CSNK1E: variants seen among roughly 807,000 people sequenced by gnomAD.
CSNK1E encodes the protein casein kinase I isoform epsilon.
A neutral mutation model predicts 46.1 loss-of-function variants in CSNK1E; 17 were observed. The ratio of observed to expected loss-of-function variants is 0.37; its 90% CI spans 0.25 to 0.55. The LOEUF is 0.55. Among genes scored for constraint, CSNK1E ranks in the 20% least tolerant of loss-of-function variants. The pLI is 0.82. For synonymous variants in CSNK1E, 241 were observed against 242.6 expected (o/e 0.99, Z 0.06); for missense variants, 386 against 595.4 (o/e 0.65, Z 3.66).
At position 38,303,076 on chromosome 22, in the gene CSNK1E, C is replaced by G; in HGVS notation, c.187+62G>C. On this transcript the variant is annotated intron_variant, in intron 3 of 10. Coordinates refer to ENST00000396832, the MANE Select transcript of CSNK1E (RefSeq NM_152221.3). The surrounding 1 kb of genome is among the most constrained non-coding windows in gnomAD (Gnocchi z 4.7). ...GGCAGCCAGCCACGCCCGGCCCACC[C>G]TGTGCTCATGGCTGCCCACCGCCAC... The G allele has an allele frequency of 6.2e-7, 1 of 1,600,886 alleles. No individual in the cohort carries two copies. The highest frequency in any genetic ancestry group is 8.5e-7 in the Non-Finnish European group (1 of 1,173,812).
chr22:38,296,147 A>G, intron 7 of CSNK1E: 2 of 991,614 alleles, frequency 2.0e-6, no homozygotes, highest in Non-Finnish European at 2.4e-6. Flanking sequence ...CCGAGGCAAG[A>G]AGTGGGCGAC....
Position 38,309,302 on chromosome 22 carries a change from G to A in CSNK1E, c.76+4780C>T, listed in dbSNP as rs2145847698. On this transcript the variant is annotated intron_variant, in intron 2 of 10. Transcript: ENST00000396832. This position sits in a 1 kb window ranked among gnomAD's most constrained non-coding sequence, Gnocchi z 4.8. ...GACGGTGGCCCTGCCTGGGCAGGGT[G>A]CAGAAACTGATTGACACTTTGGAGG... Among the ~76,000 whole-genome samples the A allele has an allele frequency of 6.6e-6, 1 of 152,308 alleles. No individual in the cohort carries two copies.
rs1011482639 is a variant in CSNK1E at position 38,303,881 on chromosome 22, C to G, written c.77-633G>C. Among the ~76,000 whole-genome samples the G allele has an allele frequency of 7.2e-5, 11 of 152,216 alleles. No individual in the cohort carries two copies. Among genetic ancestry groups the G allele is most frequent in the Admixed American group, 2.6e-4 (4 of 15,288 alleles). The stretch of plus-strand genomic sequence containing the variant: ...TAAATGGCGGCCTTGAGATCAACCC[C>G]GGCTCTGCTGGCCTCCAGCATAGGT... On this transcript the variant is annotated intron_variant, in intron 2 of 10. Transcript: ENST00000396832. The surrounding 1 kb of genome is among the most constrained non-coding windows in gnomAD (Gnocchi z 4.7).
chr22:38,300,599 T>G lies in CSNK1E; in HGVS notation c.565+125A>C. 1 of 882,468 alleles carries G rather than the reference T, an allele frequency of 1.1e-6. No individual in the cohort carries two copies. Among genetic ancestry groups the G allele is most frequent in the Admixed American group, 2.6e-5 (1 of 39,108 alleles). 54.7% of individuals were successfully genotyped at this position (882,468 alleles called of 1,614,324 possible). On this transcript the variant is annotated intron_variant, in intron 5 of 10. Transcript: ENST00000396832. The surrounding 1 kb of genome is among the most constrained non-coding windows in gnomAD (Gnocchi z 4.4). Reference sequence around the variant, plus strand: ...AGCACGAGCTTGGGGGCAGACGGGGTGGGGACTTTCTCACTAGAAAAGAGC... The same window carrying G: ...AGCACGAGCTTGGGGGCAGACGGGGGGGGGACTTTCTCACTAGAAAAGAGC...
At chr22:38,306,905 T>A (rs1482235893) in intron 2 of CSNK1E, among the ~76,000 whole-genome samples, 2 of 152,294 alleles carry the variant, frequency 1.3e-5, no homozygotes, top group Admixed American at 1.3e-4. Flanking sequence ...TTGGGTGCAG[T>A]GATGCACAAC....
At position 38,300,808 on chromosome 22, in the gene CSNK1E, T is replaced by C; in HGVS notation, c.481A>G (p.Thr161Ala). The C allele has an allele frequency of 6.2e-7, 1 of 1,614,146 alleles. No individual in the cohort carries two copies. ...TCCCGGTAGGGAATGTGCTGGTGGG[T>C]GCGGGCGTCCCGGTACTTCTTGGCC... ...GLAKKYRDAR[T>A]HQHIPYRENK... Residue 161 changes from threonine (T) to alanine (A), a missense_variant, in exon 5 of 11, where the codon ACC becomes GCC. Coordinates refer to ENST00000396832, the MANE Select transcript of CSNK1E (RefSeq NM_152221.3). The surrounding 1 kb of genome is among the most constrained non-coding windows in gnomAD (Gnocchi z 4.4).
At chr22:38,296,491 G>C (rs1602542699) in intron 7 of CSNK1E, 12 of 1,573,142 alleles carry the variant, frequency 7.6e-6, no homozygotes, top group African/African-American at 4.1e-5. Flanking sequence ...CCCATTGCAT[G>C]TTTTCCAGGT....
At chr22:38,308,282 T>C (rs2092706873) in intron 2 of CSNK1E, among the ~76,000 whole-genome samples, 1 of 152,162 alleles carries the variant, frequency 6.6e-6, no homozygotes. Context: ...GCAACAGGAA[T>C]GAAAGTACTT....
At position 38,294,306 on chromosome 22, in the gene CSNK1E, C is replaced by T. The variant is rs1038777471; in HGVS notation, c.1078+36G>A. The T allele has an allele frequency of 5.0e-6, 8 of 1,594,222 alleles. No homozygotes were observed. Among genetic ancestry groups the T allele is most frequent in the Admixed American group, 1.7e-5 (1 of 58,590 alleles). On this transcript the variant is annotated intron_variant, in intron 8 of 10. Coordinates refer to ENST00000396832, the MANE Select transcript of CSNK1E (RefSeq NM_152221.3). The surrounding 1 kb of genome is among the most constrained non-coding windows in gnomAD (Gnocchi z 5.5). ...AGGCACAAACAGAGCCCCCCACCCA[C>T]CCTGAACCCAGCCCACTGCCTGAGT...
chr22:38,293,338 G>A lies in CSNK1E; in HGVS notation c.1219-19C>T, dbSNP rs747334057. ...CACTTGTCTTTTGAGGGTGGGGAGG[G>A]AGAGAGGGGGAGGGAGAGAGAGGGA... On this transcript the variant is annotated intron_variant, in intron 9 of 10. Coordinates refer to ENST00000396832, the MANE Select transcript of CSNK1E (RefSeq NM_152221.3). 8.6e-6 allele frequency: 13 copies of A among 1,516,012 alleles called. No individual in the cohort carries two copies. In the South Asian group the frequency reaches 1.1e-4, roughly 13 times the overall value. The allele number at this position is 1,516,012 out of a possible 1,614,324, so 93.9% of individuals were successfully genotyped here. A position where few individuals can be genotyped will look rare whatever the true frequency, so the allele number is the denominator to read the frequency against.
rs533879848 is a variant in CSNK1E, at chr22:38,317,347, TCGCCGCCGCCGC to T, written c.-212_-201del. ...CCGGCCGGGCTCTGGCTCTGGGCTC[TCGCCGCCGCCGC>T]CGCCGCCGCCGCCGCCTCCCTCCTC... On this transcript the variant is annotated 5_prime_UTR_variant, in exon 1 of 11. Coordinates refer to ENST00000396832, the MANE Select transcript of CSNK1E (RefSeq NM_152221.3). 2.3e-4 allele frequency: 28 copies of T among 123,550 alleles called. No individual in the cohort carries two copies. Among genetic ancestry groups the T allele is most frequent in the East Asian group, 1.3e-3 (5 of 3,978 alleles). 7.7% of individuals were successfully genotyped at this position (123,550 alleles called of 1,614,324 possible). A position where few individuals can be genotyped will look rare whatever the true frequency, so the allele number is the denominator to read the frequency against.
intron 2 of CSNK1E, among the ~76,000 whole-genome samples, chr22:38,313,683 G>T (rs920794326): frequency 3.9e-5 from 6 of 152,200 alleles, no homozygotes; most frequent in Non-Finnish European, 8.8e-5. Context: ...GACATAGAGA[G>T]GGGGGCCTGG....
intron 2 of CSNK1E, 95 bp downstream of exon 2, chr22:38,313,987 C>T: frequency 7.8e-6 from 9 of 1,156,146 alleles, no homozygotes; most frequent in Non-Finnish European, 1.2e-5. Flanking sequence ...CCTGGAGCCA[C>T]ATTCTGACTT....
Position 38,298,846 on chromosome 22 carries a change from G to A in CSNK1E, c.825C>T (p.Asn275=), listed in dbSNP as rs1180213203. 27 of 1,614,224 alleles carry A rather than the reference G, an allele frequency of 1.7e-5. No homozygotes were observed. The highest frequency in any genetic ancestry group is 2.3e-5 in the Non-Finnish European group (27 of 1,180,040). The change falls in exon 7 of 11, where the codon AAC becomes AAT. Residue 275 remains asparagine (N), a synonymous_variant. Coordinates refer to ENST00000396832, the MANE Select transcript of CSNK1E (RefSeq NM_152221.3). This position sits in a 1 kb window ranked among gnomAD's most constrained non-coding sequence, Gnocchi z 4.2. ...AGGAGAAGCCCTGCCGGTGGAAGAG[G>A]TTGCGGAAGAGCTGACGTAGGTAAG... ...DYSYLRQLFR[N]LFHRQGFSYD...
intron 2 of CSNK1E, among the ~76,000 whole-genome samples, chr22:38,306,366 T>C (rs919359902): frequency 6.6e-5 from 10 of 152,238 alleles, no homozygotes; most frequent in African/African-American, 2.2e-4. Context: ...AACTCTCCAA[T>C]TGAGTCACTC....
intron 2 of CSNK1E, among the ~76,000 whole-genome samples, chr22:38,310,602 G>A (rs1237870507): frequency 1.2e-4 from 19 of 152,238 alleles, no homozygotes; most frequent in Admixed American, 1.2e-3. Flanking sequence ...GAGGACCAGA[G>A]ACTCTAAGAG....
At chr22:38,315,302 G>A (rs1443837634) in intron 1 of CSNK1E, among the ~76,000 whole-genome samples, 2 of 152,256 alleles carry the variant, frequency 1.3e-5, no homozygotes, top group Non-Finnish European at 1.5e-5. Flanking sequence ...CAGCCTGGGA[G>A]GGAGATGGAT....
chr22:38,317,318 G>C lies in CSNK1E; in HGVS notation c.-171C>G, dbSNP rs2092752575. 1 of 143,834 alleles carries C rather than the reference G, an allele frequency of 7.0e-6. No individual in the cohort carries two copies. Among genetic ancestry groups the C allele is most frequent in the Non-Finnish European group, 1.5e-5 (1 of 67,394 alleles). The allele number at this position is 143,834 out of a possible 1,614,324, so 8.9% of individuals were successfully genotyped here. On this transcript the variant is annotated 5_prime_UTR_variant, in exon 1 of 11. Coordinates refer to ENST00000396832, the MANE Select transcript of CSNK1E (RefSeq NM_152221.3). ...CCGCCGCCGCCGCCGCGCTCCGCTC[G>C]GCCCCGGCCGGGCTCTGGCTCTGGG...
At chr22:38,292,898 G>A in intron 10 of CSNK1E, 1 of 308,436 alleles carries the variant, frequency 3.2e-6, no homozygotes, top group Admixed American at 4.7e-5. Flanking sequence ...GCTGAGACAG[G>A]GCTAATGCCG....
Sources: gnomAD v4.1 joint callset for allele counts (sites outside exome capture counted in the v4.1 genomes callset) on GRCh38, gnomAD v4.1.1 for gene constraint, Gnocchi (gnomAD v3.1) non-coding constraint, MANE v1.5 for transcripts, NCBI Gene and HGNC (gene_info 2026-07-23, HGNC 2026-07-21) for gene names.